KLF12: variants seen among roughly 807,000 people sequenced by gnomAD.
KLF12 encodes the protein KLF transcription factor 12.
A neutral mutation model predicts 37.8 loss-of-function variants in KLF12; 9 were observed. That is an observed-to-expected ratio of 0.24 (90% CI 0.14 to 0.42). The LOEUF (loss-of-function observed/expected upper bound fraction) is 0.42. Among genes scored for constraint, KLF12 ranks in the 10% least tolerant of loss-of-function variants. The pLI is 1.00. For synonymous variants in KLF12, 208 were observed against 202.1 expected (o/e 1.03, Z -0.25); for missense variants, 411 against 516.0 (o/e 0.80, Z 1.97).
the KLF12 span, among the ~76,000 whole-genome samples, chr13:74,172,235 A>G: frequency 1.3e-5 from 2 of 151,790 alleles, no homozygotes; most frequent in South Asian, 4.2e-4. Context: ...TTTATCAGAT[A>G]TCAACAAGGT....
chr13:74,017,160 T>C (rs1205016963), intron 1 of KLF12, among the ~76,000 whole-genome samples: 2 of 147,824 alleles, frequency 1.4e-5, no homozygotes, highest in African/African-American at 5.0e-5. Flanking sequence ...TGGGAACTCA[T>C]CCATTTGTAC....
chr13:74,172,782 G>A, the KLF12 span, among the ~76,000 whole-genome samples: 1 of 152,172 alleles, frequency 6.6e-6, no homozygotes, highest in African/African-American at 2.4e-5. Context: ...AGAAGAGCAT[G>A]GGCGACCTGA....
chr13:73,905,741 C>CG (rs1385453746), intron 3 of KLF12, among the ~76,000 whole-genome samples: 2 of 112,278 alleles, frequency 1.8e-5, no homozygotes, highest in Non-Finnish European at 4.2e-5. Flanking sequence ...ATGTGCAATA[C>CG]ATTTTTTTTT....
Position 74,071,990 on chromosome 13 carries a change from T to G in KLF12, c.-32+61749A>C, listed in dbSNP as rs552540601. On this transcript the variant is annotated intron_variant, in intron 1 of 7. Coordinates refer to ENST00000377669, the MANE Select transcript of KLF12 (RefSeq NM_007249.5). ...TCCCCAACCCCCCCACCTGAACAAC[T>G]GGACAATCTACCGCAGAAACTTACA... 1.6e-4 allele frequency among the ~76,000 whole-genome samples: 25 copies of G among 152,014 alleles called. No homozygotes were observed. The South Asian group carries it at 3.3e-3, about 20-fold the overall frequency.
chr13:74,062,500 TAGTC>T (rs1873656405), intron 1 of KLF12, among the ~76,000 whole-genome samples: 1 of 99,544 alleles, frequency 1.0e-5, no homozygotes, highest in Non-Finnish European at 2.6e-5. Flanking sequence ...CAAGAGTTCA[TAGTC>T]AGACAATTAA....
At chr13:74,039,765 T>C (rs998282416) in intron 1 of KLF12, among the ~76,000 whole-genome samples, 1 of 152,234 alleles carries the variant, frequency 6.6e-6, no homozygotes, top group African/African-American at 2.4e-5. Context: ...CACACATCTT[T>C]AGCCTCAGCT....
intron 5 of KLF12, among the ~76,000 whole-genome samples, chr13:73,770,613 C>G (rs996374074): frequency 2.0e-5 from 3 of 151,814 alleles, no homozygotes; most frequent in Admixed American, 6.6e-5. Context: ...ACCTCTGCCT[C>G]CCTGGCTCAA....
At chr13:73,698,735 A>G (rs1157421943) in intron 7 of KLF12, among the ~76,000 whole-genome samples, 1 of 152,216 alleles carries the variant, frequency 6.6e-6, no homozygotes, top group African/African-American at 2.4e-5. Flanking sequence ...GAATAGCTGC[A>G]ACATATAATG....
chr13:74,010,485 C>T (rs900818718), intron 1 of KLF12, among the ~76,000 whole-genome samples: 2 of 152,156 alleles, frequency 1.3e-5, no homozygotes, highest in Non-Finnish European at 2.9e-5. Flanking sequence ...TTTCTGTTTC[C>T]AAGTTATGGC....
intron 5 of KLF12, among the ~76,000 whole-genome samples, chr13:73,770,420 G>A (rs573845510): frequency 6.6e-6 from 1 of 152,086 alleles, no homozygotes; most frequent in African/African-American, 2.4e-5. Flanking sequence ...TTTTTAAAAG[G>A]TTCTCCATCT....
intron 3 of KLF12, among the ~76,000 whole-genome samples, chr13:73,907,694 G>A (rs1234798467): frequency 6.6e-6 from 1 of 152,164 alleles, no homozygotes; most frequent in Non-Finnish European, 1.5e-5. Context: ...CCTGGCATCT[G>A]GTTCCACAAT....
the KLF12 span, among the ~76,000 whole-genome samples, chr13:74,247,464 G>A: frequency 6.6e-6 from 1 of 152,108 alleles, no homozygotes; most frequent in African/African-American, 2.4e-5. Context: ...TACCAGCCCT[G>A]TGCATAGGTG....
In KLF12 at chr13:73,845,936, G is replaced by C; in HGVS notation, c.561C>G (p.Pro187=). ...CAACAGGCACCGACTGTACCACCAC[G>C]GGGATGCGGTGAACATGACTCAGTT... The change falls in exon 4 of 8, where the codon CCC becomes CCG. Residue 187 remains proline, a synonymous_variant. Transcript: ENST00000377669. The C allele has an allele frequency of 1.2e-6, 2 of 1,614,008 alleles. No homozygotes were observed. Among genetic ancestry groups the C allele is most frequent in the Non-Finnish European group, 1.7e-6 (2 of 1,179,882 alleles).
the KLF12 span, among the ~76,000 whole-genome samples, chr13:74,198,030 AG>A: frequency 6.6e-6 from 1 of 152,138 alleles, no homozygotes; most frequent in Admixed American, 6.5e-5. Context: ...AGAGAAAAAA[AG>A]AAAGAAGGAA....
intron 5 of KLF12, among the ~76,000 whole-genome samples, chr13:73,804,962 A>G (rs1343919076): frequency 6.6e-6 from 1 of 152,216 alleles, no homozygotes; most frequent in East Asian, 1.9e-4. Flanking sequence ...ATTAGAAACC[A>G]AATACATGAG....
At chr13:73,881,144 G>C (rs765638332) in intron 3 of KLF12, among the ~76,000 whole-genome samples, 9 of 151,906 alleles carry the variant, frequency 5.9e-5, no homozygotes, top group Non-Finnish European at 1.2e-4. Context: ...GGTAAATTAG[G>C]GGAAACTTAC....
intron 1 of KLF12, among the ~76,000 whole-genome samples, chr13:74,126,104 C>T (rs1877926453): frequency 6.6e-6 from 1 of 152,166 alleles, no homozygotes; most frequent in Non-Finnish European, 1.5e-5. Flanking sequence ...CACATATGTG[C>T]TGTATTACAT....
At chr13:74,195,723 C>G in the KLF12 span, among the ~76,000 whole-genome samples, 33 of 152,060 alleles carry the variant, frequency 2.2e-4, no homozygotes, top group African/African-American at 7.5e-4. Context: ...CTCAGCCTCC[C>G]GAATAGTTGG....
At chr13:74,253,458 T>C in the KLF12 span, among the ~76,000 whole-genome samples, 1 of 152,196 alleles carries the variant, frequency 6.6e-6, no homozygotes, top group Non-Finnish European at 1.5e-5. Context: ...GGGGTAAATA[T>C]ACCTCTGGGA....
Sources: gnomAD v4.1 joint callset for allele counts (sites outside exome capture counted in the v4.1 genomes callset) on GRCh38, gnomAD v4.1.1 for gene constraint, MANE v1.5 for transcripts, NCBI Gene and HGNC (gene_info 2026-07-23, HGNC 2026-07-21) for gene names.